The following NUDCD1 variants were observed in gnomAD, a reference collection of about 807,000 sequenced individuals.
NUDCD1 encodes the protein nudC domain-containing protein 1.
NUDCD1 carries 60 observed loss-of-function variants against 67.8 expected under a neutral mutation model. The observed-to-expected ratio is 0.88, with a 90% CI of 0.72 to 1.10. NUDCD1 has a LOEUF of 1.10. Among genes scored for constraint, NUDCD1 ranks in the 50% least tolerant of loss-of-function variants. The pLI is 0.00. For synonymous variants in NUDCD1, 244 were observed against 230.8 expected, an observed-to-expected ratio of 1.06 and a Z score of -0.52; for missense variants, 643 against 695.0, an observed-to-expected ratio of 0.93 and a Z score of 0.84.
intron 1 of NUDCD1, among the ~76,000 whole-genome samples, chr8:109,325,124 ACAT>A (rs1445317640): frequency 1.3e-5 from 2 of 152,026 alleles, no homozygotes; most frequent in Non-Finnish European, 2.9e-5. Flanking sequence ...GTACAGAAAG[ACAT>A]CATACACGCA....
chr8:109,300,352 AT>A (rs558315327), intron 2 of NUDCD1, among the ~76,000 whole-genome samples: 129 of 148,836 alleles, frequency 8.7e-4, no homozygotes, highest in African/African-American at 3.1e-3. Context: ...ACAAAAAAAA[AT>A]GATACAAGAA....
At chr8:109,257,169 GA>G (rs1313670171) in intron 8 of NUDCD1, among the ~76,000 whole-genome samples, 4 of 151,952 alleles carry the variant, frequency 2.6e-5, no homozygotes. Flanking sequence ...GTAAGAAAAA[GA>G]AATAAAACGT....
At chr8:109,317,514 G>C (rs561147974) in intron 2 of NUDCD1, among the ~76,000 whole-genome samples, 1 of 152,232 alleles carries the variant, frequency 6.6e-6, no homozygotes, top group South Asian at 2.1e-4. Flanking sequence ...GGTATATCAG[G>C]ATAATATCAG....
intron 6 of NUDCD1, among the ~76,000 whole-genome samples, chr8:109,280,557 C>T (rs1814408950): frequency 6.6e-6 from 1 of 152,028 alleles, no homozygotes; most frequent in Non-Finnish European, 1.5e-5. Flanking sequence ...GACCCATAGG[C>T]TTGTGTTGGA....
chr8:109,278,384 CT>C (rs1001446460), intron 6 of NUDCD1, among the ~76,000 whole-genome samples: 24 of 152,194 alleles, frequency 1.6e-4, no homozygotes, highest in South Asian at 8.3e-4. Context: ...TTAACTTTAT[CT>C]TTTTTTAAAA....
chr8:109,280,614 G>T (rs935593020), intron 6 of NUDCD1, among the ~76,000 whole-genome samples: 7 of 152,082 alleles, frequency 4.6e-5, no homozygotes, highest in Non-Finnish European at 8.8e-5. Context: ...AAATTTTAAA[G>T]AATGGAAATA....
chr8:109,305,771 T>C (rs2130076697), intron 2 of NUDCD1, among the ~76,000 whole-genome samples: 1 of 152,074 alleles, frequency 6.6e-6, no homozygotes, highest in Non-Finnish European at 1.5e-5. Flanking sequence ...CCCCACTTAG[T>C]CATCTATAGT....
intron 8 of NUDCD1, among the ~76,000 whole-genome samples, chr8:109,258,585 G>A (rs1813792279): frequency 1.3e-5 from 2 of 151,950 alleles, no homozygotes; most frequent in African/African-American, 4.8e-5. Context: ...AAATGGCTTT[G>A]CCCTTTAAGA....
chr8:109,245,464 G>T lies in NUDCD1; in HGVS notation c.1317C>A (p.Asn439Lys). The T allele has an allele frequency of 6.2e-7, 1 of 1,607,848 alleles. No homozygotes were observed. The highest frequency in any genetic ancestry group is 8.5e-7 in the Non-Finnish European group (1 of 1,177,912). Residue 439 changes from asparagine to lysine, a missense_variant, in exon 9 of 10, where the codon AAC becomes AAA. Transcript: ENST00000239690. ...KTTHVVNLGS[N>K]QYLFSVIVDP... is the part of the protein sequence containing the mutation. ...CCACTATGACAGAGAAAAGGTACTGGTTGCTTCCAAGATTCACCTAAAAAG... is the reference window on the plus strand; with the variant it reads ...CCACTATGACAGAGAAAAGGTACTGTTTGCTTCCAAGATTCACCTAAAAAG...
intron 2 of NUDCD1, among the ~76,000 whole-genome samples, chr8:109,309,890 CA>C (rs967728885): frequency 2.0e-5 from 3 of 149,784 alleles, no homozygotes; most frequent in Admixed American, 1.3e-4. Context: ...AACAAACAAA[CA>C]AAAAAAACCA....
chr8:109,278,279 G>C (rs1814344388), intron 6 of NUDCD1, among the ~76,000 whole-genome samples: 1 of 152,092 alleles, frequency 6.6e-6, no homozygotes, highest in Non-Finnish European at 1.5e-5. Context: ...AGTAATTTTA[G>C]TAATCCAAAT....
chr8:109,319,527 C>T (rs969980270), intron 2 of NUDCD1, among the ~76,000 whole-genome samples: 3 of 152,142 alleles, frequency 2.0e-5, no homozygotes, highest in African/African-American at 7.2e-5. Context: ...GATGTCAAGG[C>T]AAGCTTGCTA....
chr8:109,257,759 A>G (rs947228037), intron 8 of NUDCD1, among the ~76,000 whole-genome samples: 1 of 152,118 alleles, frequency 6.6e-6, no homozygotes, highest in Admixed American at 6.6e-5. Context: ...TTCAGGCCTA[A>G]AGGTCATACA....
intron 2 of NUDCD1, among the ~76,000 whole-genome samples, chr8:109,313,517 A>C (rs1005714666): frequency 2.0e-5 from 3 of 152,198 alleles, no homozygotes; most frequent in Admixed American, 6.5e-5. Flanking sequence ...GGAGTATGAG[A>C]AAATTTTCCC....
chr8:109,307,742 C>A (rs1409292130), intron 2 of NUDCD1, among the ~76,000 whole-genome samples: 1 of 152,104 alleles, frequency 6.6e-6, no homozygotes, highest in Non-Finnish European at 1.5e-5. Flanking sequence ...TCAAGAGACT[C>A]ACGATTCACA....
intron 2 of NUDCD1, among the ~76,000 whole-genome samples, chr8:109,312,041 G>A (rs1431987051): frequency 6.6e-6 from 1 of 152,154 alleles, no homozygotes; most frequent in Non-Finnish European, 1.5e-5. Context: ...GGTGGCTCAT[G>A]CCTATAATCT....
At chr8:109,324,696 T>C (rs1387452280) in intron 1 of NUDCD1, among the ~76,000 whole-genome samples, 1 of 152,110 alleles carries the variant, frequency 6.6e-6, no homozygotes, top group Non-Finnish European at 1.5e-5. Context: ...GAAAATGTAG[T>C]ATATACACAC....
intron 8 of NUDCD1, among the ~76,000 whole-genome samples, chr8:109,249,584 C>A (rs572722110): frequency 2.6e-5 from 4 of 152,226 alleles, no homozygotes; most frequent in African/African-American, 9.6e-5. Context: ...TCAGTGGTTA[C>A]AAATGTATGC....
At chr8:109,263,134 G>A (rs540114269) in intron 8 of NUDCD1, among the ~76,000 whole-genome samples, 1 of 148,128 alleles carries the variant, frequency 6.8e-6, no homozygotes, top group Non-Finnish European at 1.5e-5. Context: ...ACTGAAGGCT[G>A]CCTAAGGCTA....
Sources: gnomAD v4.1 joint callset for allele counts (sites outside exome capture counted in the v4.1 genomes callset) on GRCh38, gnomAD v4.1.1 for gene constraint, MANE v1.5 for transcripts, NCBI Gene and HGNC (gene_info 2026-07-23, HGNC 2026-07-21) for gene names.